GRIK2: variants seen among roughly 807,000 people sequenced by gnomAD.
GRIK2 encodes glutamate ionotropic receptor kainate type subunit 2, also known as glutamate receptor ionotropic, kainate 2.
Under a neutral mutation model 100.3 loss-of-function variants are expected in GRIK2, and 32 were observed. The ratio of observed to expected loss-of-function variants is 0.32; its 90% confidence interval spans 0.24 to 0.43. The LOEUF (loss-of-function observed/expected upper bound fraction) is 0.43. GRIK2 is among the 20% of genes least tolerant of loss of function. The pLI is 1.00. For synonymous variants in GRIK2, 417 were observed against 389.4 expected, an observed-to-expected ratio of 1.07 and a Z score of -0.83; for missense variants, 843 against 1,114.9, an observed-to-expected ratio of 0.76 and a Z score of 3.47.
At chr6:101,455,529 T>C (rs1770955615) in intron 2 of GRIK2, among the ~76,000 whole-genome samples, 1 of 152,022 alleles carries the variant, frequency 6.6e-6, no homozygotes. Flanking sequence ...TTAATAGTGT[T>C]ATAGGAGCCA....
intron 7 of GRIK2, among the ~76,000 whole-genome samples, chr6:101,706,432 G>A (rs2128355886): frequency 6.6e-6 from 1 of 151,808 alleles, no homozygotes; most frequent in Non-Finnish European, 1.5e-5. Context: ...TGCAAACATT[G>A]ATGGCTTTTT....
chr6:101,555,362 T>G (rs1252257242), intron 2 of GRIK2, among the ~76,000 whole-genome samples: 1 of 152,158 alleles, frequency 6.6e-6, no homozygotes, highest in Non-Finnish European at 1.5e-5. Flanking sequence ...TATCCCCTTA[T>G]GGCAAGCAGC....
chr6:102,042,613 ATTAATCAGGATAATGAT>A (rs1324809423), intron 15 of GRIK2, among the ~76,000 whole-genome samples: 12 of 151,638 alleles, frequency 7.9e-5, no homozygotes, highest in African/African-American at 2.9e-4. Context: ...GTTCTTAATG[ATTAATCAGGATAATGAT>A]TTAATATAAA....
intron 2 of GRIK2, among the ~76,000 whole-genome samples, chr6:101,536,472 A>C (rs1340148258): frequency 1.3e-5 from 2 of 151,638 alleles, no homozygotes; most frequent in Non-Finnish European, 3.0e-5. Flanking sequence ...ACCACACAAA[A>C]AGCAAAAGAC....
At chr6:101,854,812 T>G (rs1390757607) in intron 10 of GRIK2, among the ~76,000 whole-genome samples, 1 of 152,124 alleles carries the variant, frequency 6.6e-6, no homozygotes, top group African/African-American at 2.4e-5. Flanking sequence ...TGGAAGATAT[T>G]ATAATGAGTT....
chr6:101,799,810 A>G lies in GRIK2; in HGVS notation c.1095+19A>G, dbSNP rs1780561003. 1.3e-6 allele frequency: 2 copies of G among 1,599,180 alleles called. No individual in the cohort carries two copies. The highest frequency in any genetic ancestry group is 1.7e-5 in the Admixed American group (1 of 59,832). ...TAAAGAGGTAAGTTAGGAGAAGAAC[A>G]TCTGCCTTGTCTCTTTTGTTGTCAA... On this transcript the variant is annotated intron_variant, in intron 8 of 16. Transcript: ENST00000369134.
intron 14 of GRIK2, among the ~76,000 whole-genome samples, chr6:102,023,209 C>A (rs1437388960): frequency 1.3e-5 from 2 of 151,034 alleles, no homozygotes; most frequent in Non-Finnish European, 3.0e-5. Flanking sequence ...GAATAAAATT[C>A]TTTGATTAAT....
chr6:101,948,234 A>C (rs1267544365), intron 14 of GRIK2, among the ~76,000 whole-genome samples: 1 of 151,834 alleles, frequency 6.6e-6, no homozygotes, highest in African/African-American at 2.4e-5. Context: ...TAGGAGCATG[A>C]ATACTGAGTA....
intron 10 of GRIK2, among the ~76,000 whole-genome samples, chr6:101,821,889 A>G (rs889819583): frequency 6.6e-6 from 1 of 152,058 alleles, no homozygotes; most frequent in Non-Finnish European, 1.5e-5. Flanking sequence ...GAATAATGAC[A>G]TTTCTCCCAT....
intron 4 of GRIK2, among the ~76,000 whole-genome samples, chr6:101,674,244 C>T (rs548876515): frequency 1.3e-5 from 2 of 152,270 alleles, no homozygotes; most frequent in South Asian, 4.1e-4. Context: ...CCAAGAAGGT[C>T]ATCTGGGAAG....
intron 7 of GRIK2, among the ~76,000 whole-genome samples, chr6:101,699,892 A>T (rs1562319386): frequency 6.6e-6 from 1 of 152,110 alleles, no homozygotes; most frequent in Non-Finnish European, 1.5e-5. Context: ...CCTGCCTGTA[A>T]TCCCAGCACT....
chr6:101,439,883 T>TGA (rs924562279), intron 2 of GRIK2, among the ~76,000 whole-genome samples: 2 of 152,150 alleles, frequency 1.3e-5, no homozygotes, highest in African/African-American at 4.8e-5. Context: ...TTTTTATCTT[T>TGA]GAGAGAGTCT....
chr6:101,979,979 CA>C (rs1261992998), intron 14 of GRIK2, among the ~76,000 whole-genome samples: 3 of 151,882 alleles, frequency 2.0e-5, no homozygotes. Context: ...GTGCATTTGG[CA>C]GGAAAGTATG....
chr6:101,947,417 A>C (rs1791348122), intron 14 of GRIK2, among the ~76,000 whole-genome samples: 1 of 152,290 alleles, frequency 6.6e-6, no homozygotes, highest in South Asian at 2.1e-4. Context: ...AAATGTTGGA[A>C]TATCATTATT....
At chr6:101,618,751 T>C (rs907849924) in intron 2 of GRIK2, among the ~76,000 whole-genome samples, 7 of 151,752 alleles carry the variant, frequency 4.6e-5, no homozygotes, top group African/African-American at 1.4e-4. Context: ...TTCATTGATA[T>C]AGTCAAACAT....
At chr6:101,768,960 AAGAC>A (rs1332702991) in intron 7 of GRIK2, among the ~76,000 whole-genome samples, 2 of 152,200 alleles carry the variant, frequency 1.3e-5, no homozygotes, top group Non-Finnish European at 2.9e-5. Context: ...GATTTAAAAA[AAGAC>A]AGATTATCAT....
chr6:101,878,004 A>G (rs1646651936), intron 11 of GRIK2, among the ~76,000 whole-genome samples: 1 of 150,980 alleles, frequency 6.6e-6, no homozygotes, highest in South Asian at 2.1e-4. Flanking sequence ...GGCATTGATG[A>G]AAGCACACAC....
intron 2 of GRIK2, among the ~76,000 whole-genome samples, chr6:101,569,423 T>C (rs976201806): frequency 6.6e-6 from 1 of 151,756 alleles, no homozygotes; most frequent in African/African-American, 2.4e-5. Context: ...AGAAGTTCTT[T>C]TATGGCTGAT....
intron 4 of GRIK2, among the ~76,000 whole-genome samples, chr6:101,661,576 T>C (rs193176291): frequency 3.9e-5 from 6 of 152,162 alleles, no homozygotes; most frequent in South Asian, 2.1e-4. Context: ...TGCCCAGTTT[T>C]GTGCTTGAAA....
Sources: gnomAD v4.1 joint callset for allele counts (sites outside exome capture counted in the v4.1 genomes callset) on GRCh38, gnomAD v4.1.1 for gene constraint, MANE v1.5 for transcripts, NCBI Gene and HGNC (gene_info 2026-07-23, HGNC 2026-07-21) for gene names.